TRMT2B: variants seen among roughly 807,000 people sequenced by gnomAD.
TRMT2B encodes the protein tRNA methyltransferase 2B.
Under a neutral mutation model 39.7 loss-of-function variants are expected in TRMT2B, and 34 were observed. That is an observed-to-expected ratio of 0.86 (90% confidence interval 0.65 to 1.14). The LOEUF (loss-of-function observed/expected upper bound fraction) is 1.14, where lower values mean the gene tolerates loss of function less well. Among genes scored for constraint, TRMT2B ranks in the 50% most tolerant of loss-of-function variants. TRMT2B has a pLI of 0.00. For synonymous variants in TRMT2B, 132 were observed against 137.3 expected, an observed-to-expected ratio of 0.96 and a Z score of 0.27; for missense variants, 318 against 377.2, an observed-to-expected ratio of 0.84 and a Z score of 1.30.
At chrX:101,011,317 G>A (rs1475982931) in intron 13 of TRMT2B, among the ~76,000 whole-genome samples, 1 of 111,875 alleles carries the variant, frequency 8.9e-6, no homozygotes, top group Admixed American at 9.6e-5. Flanking sequence ...GAATACTGTA[G>A]ACAACTGTAA....
chrX:101,027,603 C>A (rs995243060), intron 7 of TRMT2B, among the ~76,000 whole-genome samples: 8 of 106,904 alleles, frequency 7.5e-5, no homozygotes, highest in African/African-American at 2.7e-4. Flanking sequence ...TTCTTCCAAA[C>A]CTCTTAAAAT....
At chrX:101,047,458 A>C (rs1413789562) in intron 2 of TRMT2B, among the ~76,000 whole-genome samples, 1 of 111,635 alleles carries the variant, frequency 9.0e-6, no homozygotes, top group African/African-American at 3.3e-5. Flanking sequence ...ACACAAGTAG[A>C]GGGCCTCCCT....
At chrX:100,988,625 T>C in the TRMT2B span, 100 of 814,357 alleles carry the variant, frequency 1.2e-4, no homozygotes, top group African/African-American at 1.9e-3. Context: ...TCTACAATAG[T>C]ATTCCAATTT....
At chrX:101,001,354 T>C in the TRMT2B span, among the ~76,000 whole-genome samples, 1 of 110,436 alleles carries the variant, frequency 9.1e-6, no homozygotes, top group Non-Finnish European at 1.9e-5. Context: ...TCCCGCCTCA[T>C]CCTCCTCAGT....
In TRMT2B at chrX:101,042,076, G is replaced by A. The variant is rs200659832; in HGVS notation, c.214C>T (p.His72Tyr). ...KGQKSQKKPSHLGPLDGSWQE... is the reference protein window; with the variant it reads ...KGQKSQKKPSYLGPLDGSWQE... Reference sequence around the variant, plus strand: ...CAGGAACCATCTAGTGGTCCAAGATGGCTTGGTTTCTTCTGACTTTTTTGT... The same window carrying A: ...CAGGAACCATCTAGTGGTCCAAGATAGCTTGGTTTCTTCTGACTTTTTTGT... The change falls in exon 3 of 14, where the codon CAT (histidine) becomes TAT (tyrosine). Residue 72 changes from histidine to tyrosine, a missense_variant. Physicochemically the swap from His to Tyr is moderately conservative, Grantham distance 83 (BLOSUM62 2). Transcript: ENST00000372936. 1.2e-5 allele frequency: 15 copies of A among 1,210,569 alleles called. No homozygotes were observed. The highest frequency in any genetic ancestry group is 2.3e-4 in the Middle Eastern group (1 of 4,337).
At chrX:101,022,640 CAA>C (rs1374614625) in intron 8 of TRMT2B, among the ~76,000 whole-genome samples, 1 of 102,298 alleles carries the variant, frequency 9.8e-6, no homozygotes, top group East Asian at 3.1e-4. Flanking sequence ...AAAAAAAAAT[CAA>C]AAAAATTAGC....
chrX:100,974,186 C>T, the TRMT2B span: 4 of 1,186,548 alleles, frequency 3.4e-6, no homozygotes, highest in African/African-American at 1.7e-5. Flanking sequence ...CTTGTGGAGG[C>T]ATTCCAAAAA....
intron 7 of TRMT2B, among the ~76,000 whole-genome samples, chrX:101,032,731 G>C (rs1276901547): frequency 1.0e-5 from 1 of 97,245 alleles, no homozygotes; most frequent in Non-Finnish European, 2.0e-5. Flanking sequence ...AGCCAAGATC[G>C]CACCATTACA....
rs192889148 is a variant in TRMT2B at position 101,024,651 on chromosome X, C to T, written c.610-1035G>A. On this transcript the variant is annotated intron_variant, in intron 7 of 13. Coordinates refer to ENST00000372936, the MANE Select transcript of TRMT2B (RefSeq NM_024917.6). Reference sequence around the variant, plus strand: ...ACCAGCTGGGCCAACATGGCAACCCCGTCTCTACTAAAAATACAAAATTTA... The same window carrying T: ...ACCAGCTGGGCCAACATGGCAACCCTGTCTCTACTAAAAATACAAAATTTA... Among the ~76,000 whole-genome samples, 303 of 111,314 alleles carry T rather than the reference C, an allele frequency of 2.7e-3. 3 individuals carry two copies. The highest frequency in any genetic ancestry group is 9.0e-3 in the African/African-American group (275 of 30,639).
At chrX:100,974,138 T>G in the TRMT2B span, 1 of 1,190,969 alleles carries the variant, frequency 8.4e-7, no homozygotes, top group Admixed American at 2.3e-5. Flanking sequence ...AATGTGACCA[T>G]CCCTATCATT....
chrX:100,993,428 A>G, the TRMT2B span, among the ~76,000 whole-genome samples: 1 of 112,143 alleles, frequency 8.9e-6, no homozygotes, highest in Non-Finnish European at 1.9e-5. Context: ...GAGTTTTATG[A>G]GGCAGGAGAC....
intron 5 of TRMT2B, 118 bp downstream of exon 5, chrX:101,037,799 A>T (rs1430235261): frequency 4.9e-5 from 35 of 721,038 alleles, no homozygotes; most frequent in Middle Eastern, 7.7e-4. Flanking sequence ...TGTGACAATG[A>T]TGCATGATAA....
chrX:100,979,908 CAA>C, the TRMT2B span, among the ~76,000 whole-genome samples: 1 of 111,679 alleles, frequency 9.0e-6, no homozygotes, highest in Non-Finnish European at 1.9e-5. Context: ...GTTTACCAGG[CAA>C]AGTCTCTTGT....
intron 7 of TRMT2B, among the ~76,000 whole-genome samples, chrX:101,031,943 A>C (rs1316310067): frequency 9.0e-6 from 1 of 111,030 alleles, no homozygotes; most frequent in African/African-American, 3.3e-5. Context: ...ACGGAAGATA[A>C]CAGAAGCAAT....
chrX:101,035,477 G>A, intron 7 of TRMT2B, 136 bp downstream of exon 7: 1 of 540,025 alleles, frequency 1.9e-6, no homozygotes, highest in Admixed American at 2.6e-5. Context: ...TCCATAGTTA[G>A]AAGGTATGCT....
chrX:101,008,029 T>C (rs2086130678), downstream of TRMT2B, among the ~76,000 whole-genome samples: 1 of 111,786 alleles, frequency 8.9e-6, no homozygotes, highest in African/African-American at 3.2e-5. Context: ...AGACTCTGGC[T>C]TGGGTGACTG....
At position 101,041,707 on chromosome X, in the gene TRMT2B, T is replaced by C. The variant is rs369062373; in HGVS notation, c.248+335A>G. On this transcript the variant is annotated intron_variant, in intron 3 of 13. Transcript: ENST00000372936. ...TAAATGAGGTATATTTGTGCTTATA[T>C]GGCTGCAATGGGCCTACTCATCTCT... 1.2e-4 allele frequency among the ~76,000 whole-genome samples: 13 copies of C among 112,223 alleles called. No individual in the cohort carries two copies. The East Asian group carries it at 2.8e-3, about 24-fold the overall frequency.
the TRMT2B span, among the ~76,000 whole-genome samples, chrX:100,983,510 C>T: frequency 9.1e-6 from 1 of 110,151 alleles, no homozygotes; most frequent in Non-Finnish European, 1.9e-5. Flanking sequence ...GTGCCCGCCA[C>T]CACGCCTGGC....
At chrX:100,993,178 G>C in the TRMT2B span, among the ~76,000 whole-genome samples, 1 of 112,083 alleles carries the variant, frequency 8.9e-6, no homozygotes, top group Non-Finnish European at 1.9e-5. Flanking sequence ...GAGGTGCAGA[G>C]AGGTTAAGTG....
Sources: gnomAD v4.1 joint callset for allele counts (sites outside exome capture counted in the v4.1 genomes callset) on GRCh38, gnomAD v4.1.1 for gene constraint, MANE v1.5 for transcripts, NCBI Gene and HGNC (gene_info 2026-07-23, HGNC 2026-07-21) for gene names.